The following TRIP13 variants were observed in gnomAD, a reference collection of about 807,000 sequenced individuals.
TRIP13 encodes the protein pachytene checkpoint protein 2 homolog.
In TRIP13, 25 loss-of-function variants were observed where a neutral mutation model predicts 54.4. The ratio of observed to expected loss-of-function variants is 0.46; its 90% CI spans 0.33 to 0.64. The LOEUF (loss-of-function observed/expected upper bound fraction) is 0.64. Among genes scored for constraint, TRIP13 ranks in the 30% least tolerant of loss-of-function variants. The pLI is 0.02. For missense variants in TRIP13, 373 were observed against 534.2 expected (o/e 0.70, Z 2.97); for synonymous variants, 207 against 207.8 (o/e 1.00, Z 0.03).
At position 907,458 on chromosome 5, in the gene TRIP13, C is replaced by G. The variant is rs1366112858; in HGVS notation, c.672+265C>G. Among the ~76,000 whole-genome samples the G allele has an allele frequency of 3.3e-5, 5 of 152,210 alleles. No individual in the cohort carries two copies. The highest frequency in any genetic ancestry group is 2.6e-4 in the Admixed American group (4 of 15,282). Reference sequence around the variant, plus strand: ...AGGGCTGGCACTCAGGGGACTGCAGCCCTGCCATGCATGTCCTTGGTGCTC... The same window carrying G: ...AGGGCTGGCACTCAGGGGACTGCAGGCCTGCCATGCATGTCCTTGGTGCTC... On this transcript the variant is annotated intron_variant, in intron 7 of 12. Transcript: ENST00000166345. The surrounding 1 kb of genome is among the most constrained non-coding windows in gnomAD (Gnocchi z 4.1).
intron 12 of TRIP13, among the ~76,000 whole-genome samples, chr5:916,517 C>CTT (rs1560951792): frequency 6.6e-6 from 1 of 152,238 alleles, no homozygotes; most frequent in African/African-American, 2.4e-5. Flanking sequence ...GACTCAGGCT[C>CTT]TGTCTGATCA....
In TRIP13 at chr5:896,870, G is replaced by C. The variant is rs867729676; in HGVS notation, c.388+76G>C. The C allele has an allele frequency of 8.5e-5, 124 of 1,465,214 alleles. 1 individual carries two copies. The Middle Eastern group carries it at 3.1e-3, about 37-fold the overall frequency. The allele number at this position is 1,465,214 out of a possible 1,614,324, so 90.8% of individuals were successfully genotyped here. On this transcript the variant is annotated intron_variant, in intron 3 of 12. Transcript: ENST00000166345. The stretch of plus-strand genomic sequence containing the variant: ...TACTCCATGCCATGTCAGTTCACAG[G>C]GGGGGTTCTGTTTGTCCATTTGTTT...
Position 907,158 on chromosome 5 carries a change from A to G in TRIP13, c.637A>G (p.Asn213Asp). The part of the protein sequence containing the change: ...RYRYGQLIEI[N>D]SHSLFSKWFS... ...CCGATATGGCCAATTAATTGAAATA[A>G]ACAGCCACAGCCTCTTTTCTAAGTG... The change falls in exon 7 of 13, where the codon AAC becomes GAC. Residue 213 changes from asparagine to aspartate, a missense_variant. Coordinates refer to ENST00000166345, the MANE Select transcript of TRIP13 (RefSeq NM_004237.4). The surrounding 1 kb of genome is among the most constrained non-coding windows in gnomAD (Gnocchi z 4.1). 6.2e-7 allele frequency: 1 copy of G among 1,614,132 alleles called. No individual in the cohort carries two copies. Among genetic ancestry groups the G allele is most frequent in the Non-Finnish European group, 8.5e-7 (1 of 1,179,964 alleles).
intron 9 of TRIP13, among the ~76,000 whole-genome samples, chr5:910,630 A>G (rs1201036840): frequency 1.3e-5 from 2 of 152,076 alleles, no homozygotes; most frequent in African/African-American, 2.4e-5. Flanking sequence ...GGAAGAAACA[A>G]GGAGACACGC....
In TRIP13 at chr5:900,552, A is replaced by G. The variant is rs1580051545; in HGVS notation, c.444+3A>G. 3 of 1,611,214 alleles carry G rather than the reference A, an allele frequency of 1.9e-6. No homozygotes were observed. Among genetic ancestry groups the G allele is most frequent in the Non-Finnish European group, 1.7e-6 (2 of 1,179,354 alleles). On this transcript the variant is annotated splice_donor_region_variant and intron_variant, in intron 4 of 12. Transcript: ENST00000166345. ...ACGATGTGGAAGTCAAATCCCATGT[A>G]AGTTGCTGTGCCTTTTCCCAGAATG...
chr5:903,541 G>A (rs1212425206), intron 5 of TRIP13, among the ~76,000 whole-genome samples: 4 of 151,856 alleles, frequency 2.6e-5, no homozygotes, highest in Admixed American at 2.6e-4. Context: ...TCGTGCCCTC[G>A]GTCTCTTGCC....
chr5:894,702 T>C, intron 1 of TRIP13, 85 bp from the exon 2 acceptor site: 1 of 1,454,798 alleles, frequency 6.9e-7, no homozygotes, highest in African/African-American at 1.4e-5. Context: ...TTCTTATGTA[T>C]TGTCTGAGTT....
chr5:910,804 A>G lies in TRIP13; in HGVS notation c.867-1039A>G, dbSNP rs915393119. 5.3e-5 allele frequency among the ~76,000 whole-genome samples: 8 copies of G among 151,814 alleles called. No homozygotes were observed. In the East Asian group the frequency reaches 1.5e-3, roughly 29 times the overall value. ...TCCCTCTGGCCCTTCCTGCAGCCCC[A>G]CCCTCCTGGTGCTGGACTGAGCAGC... On this transcript the variant is annotated intron_variant, in intron 9 of 12. Transcript: ENST00000166345.
At chr5:896,225 G>A (rs1045288244) in intron 2 of TRIP13, among the ~76,000 whole-genome samples, 3 of 152,122 alleles carry the variant, frequency 2.0e-5, no homozygotes, top group Admixed American at 1.3e-4. Context: ...GAGGTGGGAG[G>A]ATCACTTGAG....
chr5:907,979 G>A lies in TRIP13; in HGVS notation c.673-9G>A. The stretch of plus-strand genomic sequence containing the variant: ...GCACGTTGACACTAAAAGGGTGTTT[G>A]GGTTCCAGAGTGGCAAGCTGGTAAC... On this transcript the variant is annotated splice_polypyrimidine_tract_variant and intron_variant, in intron 7 of 12. Coordinates refer to ENST00000166345, the MANE Select transcript of TRIP13 (RefSeq NM_004237.4). The surrounding 1 kb of genome is among the most constrained non-coding windows in gnomAD (Gnocchi z 4.1). 6.2e-7 allele frequency: 1 copy of A among 1,614,162 alleles called. No homozygotes were observed. Among genetic ancestry groups the A allele is most frequent in the Non-Finnish European group, 8.5e-7 (1 of 1,179,978 alleles).
intron 4 of TRIP13, 65 bp from the exon 5 acceptor site, chr5:901,276 C>A: frequency 6.7e-7 from 1 of 1,486,750 alleles, no homozygotes; most frequent in Non-Finnish European, 9.3e-7. Context: ...TGGGGGAGGG[C>A]ACATTTCTTG....
chr5:914,626 T>C (rs746485038), intron 11 of TRIP13, 49 bp downstream of exon 11: 3 of 1,466,142 alleles, frequency 2.0e-6, no homozygotes, highest in Non-Finnish European at 2.9e-6. Flanking sequence ...ATTTGTGATA[T>C]TAACTAGGGA....
intron 3 of TRIP13, 134 bp from the exon 4 acceptor site, chr5:900,360 C>G: frequency 1.2e-6 from 1 of 835,446 alleles, no homozygotes; most frequent in East Asian, 2.9e-5. Flanking sequence ...TTTATACTTT[C>G]CTGTAATCAG....
In TRIP13 at chr5:908,268, T is replaced by C. The variant is rs1754158977; in HGVS notation, c.760-87T>C. 1 of 1,509,706 alleles carries C rather than the reference T, an allele frequency of 6.6e-7. No homozygotes were observed. The highest frequency in any genetic ancestry group is 2.3e-5 in the East Asian group (1 of 44,274). The allele number at this position is 1,509,706 out of a possible 1,614,324, so 93.5% of individuals were successfully genotyped here. The stretch of plus-strand genomic sequence containing the variant: ...CGGGAACACCCATTCATTCATCTTT[T>C]TCACGTGCTCAGCGGGACGTATCCC... On this transcript the variant is annotated intron_variant, in intron 8 of 12. Coordinates refer to ENST00000166345, the MANE Select transcript of TRIP13 (RefSeq NM_004237.4). This position sits in a 1 kb window ranked among gnomAD's most constrained non-coding sequence, Gnocchi z 5.2.
chr5:915,761 G>T lies in TRIP13; in HGVS notation c.1134-143G>T. 2 of 795,532 alleles carry T rather than the reference G, an allele frequency of 2.5e-6. No homozygotes were observed. The highest frequency in any genetic ancestry group is 4.3e-6 in the Non-Finnish European group (2 of 461,602). The allele number at this position is 795,532 out of a possible 1,614,324, so 49.3% of individuals were successfully genotyped here. ...GCAAGGCTCAGGAGACCAGTGAGGG[G>T]CAGGAAGTGCCCTGTGAACCCAGGG... On this transcript the variant is annotated intron_variant, in intron 11 of 12. Transcript: ENST00000166345. This position sits in a 1 kb window ranked among gnomAD's most constrained non-coding sequence, Gnocchi z 4.2.
At position 892,967 on chromosome 5, in the gene TRIP13, C is replaced by G; in HGVS notation, c.-32C>G. 6.7e-7 allele frequency: 1 copy of G among 1,486,770 alleles called. No homozygotes were observed. The highest frequency in any genetic ancestry group is 8.9e-7 in the Non-Finnish European group (1 of 1,122,038). The allele number at this position is 1,486,770 out of a possible 1,614,324, so 92.1% of individuals were successfully genotyped here. The stretch of plus-strand genomic sequence containing the variant: ...GGCGTGAGGTGGCGGCGGCCGCGCC[C>G]TGGTTGGGTCCCCACTGCTCTCGGG... On this transcript the variant is annotated 5_prime_UTR_variant, in exon 1 of 13. Coordinates refer to ENST00000166345, the MANE Select transcript of TRIP13 (RefSeq NM_004237.4).
chr5:894,084 G>A (rs1481909227), intron 1 of TRIP13, among the ~76,000 whole-genome samples: 1 of 152,160 alleles, frequency 6.6e-6, no homozygotes, highest in Non-Finnish European at 1.5e-5. Flanking sequence ...ATGCATGGTG[G>A]TCGCTGCTTG....
In TRIP13 at chr5:911,099, G is replaced by C. The variant is rs1474502974; in HGVS notation, c.867-744G>C. ...GGTCCTTGGGGGACATTGGTCAACAGACCAGACAACAGGGGCTCTCTCTAT... is the reference window on the plus strand; with the variant it reads ...GGTCCTTGGGGGACATTGGTCAACACACCAGACAACAGGGGCTCTCTCTAT... On this transcript the variant is annotated intron_variant, in intron 9 of 12. Transcript: ENST00000166345. The surrounding 1 kb of genome is among the most constrained non-coding windows in gnomAD (Gnocchi z 4.7). Among the ~76,000 whole-genome samples, 1 of 152,234 alleles carries C rather than the reference G, an allele frequency of 6.6e-6. No homozygotes were observed. The highest frequency in any genetic ancestry group is 2.4e-5 in the African/African-American group (1 of 41,464).
At position 911,074 on chromosome 5, in the gene TRIP13, G is replaced by A. The variant is rs931693460; in HGVS notation, c.867-769G>A. 2.6e-5 allele frequency among the ~76,000 whole-genome samples: 4 copies of A among 152,202 alleles called. No individual in the cohort carries two copies. Among genetic ancestry groups the A allele is most frequent in the African/African-American group, 9.6e-5 (4 of 41,458 alleles). On this transcript the variant is annotated intron_variant, in intron 9 of 12. Transcript: ENST00000166345. The surrounding 1 kb of genome is among the most constrained non-coding windows in gnomAD (Gnocchi z 4.7). ...GTGCCCGCTCTGCTGGCTCATGCTG[G>A]GTCCTTGGGGGACATTGGTCAACAG...
Sources: allele counts gnomAD v4.1 joint callset (sites outside exome capture counted in the v4.1 genomes callset), GRCh38; gene constraint gnomAD v4.1.1; non-coding constraint Gnocchi (gnomAD v3.1); transcripts MANE v1.5; gene names NCBI Gene and HGNC (gene_info 2026-07-23, HGNC 2026-07-21).